The following GALNT17 variants were observed in gnomAD, a reference collection of about 807,000 sequenced individuals.
The protein encoded by GALNT17 is polypeptide N-acetylgalactosaminyltransferase 17, also known as UDP-GalNAc:polypeptide N-acetylgalactosaminyltransferase-like 3.
Under a neutral mutation model 63.7 loss-of-function variants are expected in GALNT17, and 29 were observed. The ratio of observed to expected loss-of-function variants is 0.46; its 90% CI spans 0.34 to 0.62. GALNT17 has a LOEUF of 0.62. Ranked by LOEUF, GALNT17 falls within the 20% of genes least tolerant of loss-of-function variation. The probability of loss-of-function intolerance (pLI) is 0.01; values close to 1 mark genes in which losing one functional copy is unlikely to be tolerated. For synonymous variants in GALNT17, 305 were observed against 318.3 expected, an observed-to-expected ratio of 0.96 and a Z score of 0.45; for missense variants, 603 against 799.6, an observed-to-expected ratio of 0.75 and a Z score of 2.97.
chr7:71,294,928 TG>T (rs1791051103), intron 1 of GALNT17, among the ~76,000 whole-genome samples: 1 of 152,210 alleles, frequency 6.6e-6, no homozygotes, highest in South Asian at 2.1e-4. Context: ...CTCCTGATGC[TG>T]CGATAGTCTG....
intron 5 of GALNT17, among the ~76,000 whole-genome samples, chr7:71,539,054 C>T (rs1355688204): frequency 6.6e-6 from 1 of 152,138 alleles, no homozygotes; most frequent in East Asian, 1.9e-4. Context: ...CTCCTGCCTC[C>T]CGAGTAGCTG....
chr7:71,708,392 C>T (rs1431323855), intron 9 of GALNT17, among the ~76,000 whole-genome samples: 3 of 152,006 alleles, frequency 2.0e-5, no homozygotes, highest in Non-Finnish European at 4.4e-5. Flanking sequence ...TCTCATGAGA[C>T]TTATTCATTA....
In GALNT17 at chr7:71,575,450, C is replaced by T. The variant is rs114798274; in HGVS notation, c.1080+4048C>T. Reference sequence around the variant, plus strand: ...TGTCGCTGAGGCTGGAATGCAGTGACGCGATCTTGGCTCACTGCAGGCTCC... The same window carrying T: ...TGTCGCTGAGGCTGGAATGCAGTGATGCGATCTTGGCTCACTGCAGGCTCC... On this transcript the variant is annotated intron_variant, in intron 6 of 10. Transcript: ENST00000333538. 4.1e-3 allele frequency among the ~76,000 whole-genome samples: 621 copies of T among 151,146 alleles called. 3 individuals carry two copies. Among genetic ancestry groups the T allele is most frequent in the African/African-American group, 0.014 (570 of 41,124 alleles).
chr7:71,275,487 C>G (rs1338016414), intron 1 of GALNT17, among the ~76,000 whole-genome samples: 2 of 152,130 alleles, frequency 1.3e-5, no homozygotes, highest in African/African-American at 4.8e-5. Flanking sequence ...TGTGTTTTAC[C>G]AAGCCTTGCA....
chr7:71,384,391 G>A (rs891670337), intron 2 of GALNT17, among the ~76,000 whole-genome samples: 5 of 152,126 alleles, frequency 3.3e-5, no homozygotes, highest in Non-Finnish European at 5.9e-5. Flanking sequence ...TGTCCACAGC[G>A]TGCTGCAGTT....
At chr7:71,159,459 C>CA (rs556467351) in intron 1 of GALNT17, among the ~76,000 whole-genome samples, 57 of 151,280 alleles carry the variant, frequency 3.8e-4, no homozygotes, top group South Asian at 8.3e-4. Flanking sequence ...TAAGTCTTTA[C>CA]AAAACATTCA....
At chr7:71,134,835 G>GTTTTTTTTTTTTTTTTTTTTTTTTTTTT in intron 1 of GALNT17, among the ~76,000 whole-genome samples, 1 of 57,888 alleles carries the variant, frequency 1.7e-5, no homozygotes, top group Non-Finnish European at 2.9e-5. Context: ...TTGTTTTATG[G>GTTTTTTTTTTTTTTTTTTTTTTTTTTTT]TTTTTTTTTT....
chr7:71,311,991 T>C (rs550643845), intron 1 of GALNT17, among the ~76,000 whole-genome samples: 1 of 152,188 alleles, frequency 6.6e-6, no homozygotes, highest in Non-Finnish European at 1.5e-5. Context: ...ATGAGACATG[T>C]CCATGAGTGC....
intron 6 of GALNT17, among the ~76,000 whole-genome samples, chr7:71,618,958 T>C (rs1370580795): frequency 6.6e-6 from 1 of 152,238 alleles, no homozygotes; most frequent in African/African-American, 2.4e-5. Flanking sequence ...TATATTTAAA[T>C]CTTTGATCCA....
intron 1 of GALNT17, among the ~76,000 whole-genome samples, chr7:71,311,470 A>C: frequency 6.6e-6 from 1 of 152,324 alleles, no homozygotes; most frequent in South Asian, 2.1e-4. Flanking sequence ...CCATCTCTAC[A>C]AAAAATAAAA....
intron 5 of GALNT17, among the ~76,000 whole-genome samples, chr7:71,552,428 G>A (rs191333445): frequency 1.1e-4 from 17 of 150,580 alleles, no homozygotes; most frequent in Admixed American, 7.3e-4. Flanking sequence ...AGTAGGTACC[G>A]TGCCTGGCTG....
chr7:71,705,960 C>T (rs1037527160), intron 9 of GALNT17, among the ~76,000 whole-genome samples: 7 of 152,162 alleles, frequency 4.6e-5, no homozygotes, highest in African/African-American at 1.4e-4. Context: ...GGTAGGTGGA[C>T]AATACCCCAA....
At chr7:71,330,891 A>G (rs111728256) in intron 1 of GALNT17, among the ~76,000 whole-genome samples, 6 of 152,198 alleles carry the variant, frequency 3.9e-5, no homozygotes, top group African/African-American at 9.6e-5. Flanking sequence ...CTTGCTGAAC[A>G]TTGCCTATCC....
At chr7:71,649,466 C>T (rs1196236602) in intron 6 of GALNT17, among the ~76,000 whole-genome samples, 2 of 152,096 alleles carry the variant, frequency 1.3e-5, no homozygotes, top group East Asian at 3.9e-4. Flanking sequence ...GGGTGATTGG[C>T]TAAAGTGTGG....
At chr7:71,645,470 C>A (rs1443669751) in intron 6 of GALNT17, among the ~76,000 whole-genome samples, 1 of 152,198 alleles carries the variant, frequency 6.6e-6, no homozygotes, top group Non-Finnish European at 1.5e-5. Flanking sequence ...GAAGTGCCTG[C>A]TTCCCTTTCC....
intron 2 of GALNT17, among the ~76,000 whole-genome samples, chr7:71,375,379 C>T (rs1366281039): frequency 2.6e-5 from 4 of 151,946 alleles, no homozygotes. Context: ...CTGTAAAGGG[C>T]CAAAGAGGTT....
chr7:71,582,367 G>A (rs1282638200), intron 6 of GALNT17, among the ~76,000 whole-genome samples: 2 of 150,306 alleles, frequency 1.3e-5, no homozygotes, highest in African/African-American at 4.9e-5. Context: ...GAGATCAGGA[G>A]ATGGAGATCA....
At chr7:71,580,485 C>T (rs1789620746) in intron 6 of GALNT17, among the ~76,000 whole-genome samples, 1 of 152,086 alleles carries the variant, frequency 6.6e-6, no homozygotes, top group African/African-American at 2.4e-5. Flanking sequence ...ACTTACCACC[C>T]TTGAGGGGAT....
intron 6 of GALNT17, among the ~76,000 whole-genome samples, chr7:71,617,311 G>A (rs569648616): frequency 9.0e-5 from 8 of 88,884 alleles, no homozygotes; most frequent in South Asian, 3.3e-4. Flanking sequence ...TTGCAGGGGC[G>A]GGGGGGGTTG....
Sources: gnomAD v4.1 joint callset for allele counts (sites outside exome capture counted in the v4.1 genomes callset) on GRCh38, gnomAD v4.1.1 for gene constraint, MANE v1.5 for transcripts, NCBI Gene and HGNC (gene_info 2026-07-23, HGNC 2026-07-21) for gene names.